SH3PXD2B: variants seen among roughly 807,000 people sequenced by gnomAD.
SH3PXD2B encodes SH3 and PX domain-containing protein 2B.
SH3PXD2B carries 37 observed loss-of-function variants against 73.1 expected under a neutral mutation model. The observed-to-expected ratio is 0.51, with a 90% CI of 0.39 to 0.67. The LOEUF is 0.67. SH3PXD2B is among the 30% of genes least tolerant of loss of function. The pLI, the probability that SH3PXD2B is intolerant of heterozygous loss-of-function variation, is 0.00. For missense variants in SH3PXD2B, 1,053 were observed against 1,197.8 expected, an observed-to-expected ratio of 0.88 and a Z score of 1.78; for synonymous variants, 457 against 480.5, an observed-to-expected ratio of 0.95 and a Z score of 0.64.
chr5:172,394,780 T>TG, intron 3 of SH3PXD2B, 141 bp from the exon 4 acceptor site: 2 of 784,536 alleles, frequency 2.5e-6, no homozygotes, highest in Non-Finnish European at 4.3e-6. Context: ...GTACCCCCAC[T>TG]GGACTTCCGT....
chr5:172,373,217 T>C (rs1757745048), intron 6 of SH3PXD2B, among the ~76,000 whole-genome samples: 1 of 152,198 alleles, frequency 6.6e-6, no homozygotes, highest in Admixed American at 6.5e-5. Flanking sequence ...ATGGCCCAAA[T>C]CTACCGCACA....
intron 4 of SH3PXD2B, among the ~76,000 whole-genome samples, chr5:172,391,451 C>T (rs1310081301): frequency 6.6e-6 from 1 of 152,164 alleles, no homozygotes; most frequent in Non-Finnish European, 1.5e-5. Flanking sequence ...TTCTCCCAGT[C>T]CACGGCTTGC....
chr5:172,337,218 T>G lies in SH3PXD2B; in HGVS notation c.*1151A>C. The G allele has an allele frequency of 1.0e-6, 1 of 985,536 alleles. No homozygotes were observed. The highest frequency in any genetic ancestry group is 1.2e-6 in the Non-Finnish European group (1 of 830,044). 61.0% of individuals were successfully genotyped at this position (985,536 alleles called of 1,614,324 possible). On this transcript the variant is annotated 3_prime_UTR_variant, in exon 13 of 13. Coordinates refer to ENST00000311601, the MANE Select transcript of SH3PXD2B (RefSeq NM_001017995.3). ...CTGTGGGCTGGAGGGATGGTGGGTGTGGGAGCAGCCACGAATGCCCCCTCA... is the reference window on the plus strand; with the variant it reads ...CTGTGGGCTGGAGGGATGGTGGGTGGGGGAGCAGCCACGAATGCCCCCTCA...
chr5:172,368,676 A>AATATATATATTATATATATATAAAAT (rs1371215353), intron 6 of SH3PXD2B, among the ~76,000 whole-genome samples: 1 of 31,164 alleles, frequency 3.2e-5, no homozygotes, highest in African/African-American at 2.3e-4. Flanking sequence ...ATATATATAA[A>AATATATATATTATATATATATAAAAT]ATATATATGT....
rs750228402 is a variant in SH3PXD2B, at chr5:172,353,817, C to A, written c.785+71G>T. The A allele has an allele frequency of 5.7e-4, 674 of 1,190,760 alleles. No individual in the cohort carries two copies. The highest frequency in any genetic ancestry group is 8.0e-4 in the Non-Finnish European group (639 of 795,214). 73.8% of individuals were successfully genotyped at this position (1,190,760 alleles called of 1,614,324 possible). A position where few individuals can be genotyped will look rare whatever the true frequency, so the allele number is the denominator to read the frequency against. On this transcript the variant is annotated intron_variant, in intron 9 of 12. Transcript: ENST00000311601. This position sits in a 1 kb window ranked among gnomAD's most constrained non-coding sequence, Gnocchi z 4.3. ...TTACCGACCTCTGTGAGGCCAGAGT[C>A]CCTGTGACCCCAAACCCACCCAGCG...
At chr5:172,401,777 G>T (rs2113418066) in intron 3 of SH3PXD2B, among the ~76,000 whole-genome samples, 1 of 152,322 alleles carries the variant, frequency 6.6e-6, no homozygotes, top group African/African-American at 2.4e-5. Flanking sequence ...AAATGTCCAT[G>T]AAGATTTCAG....
intron 2 of SH3PXD2B, among the ~76,000 whole-genome samples, chr5:172,422,154 C>T (rs1481716682): frequency 6.6e-6 from 1 of 152,128 alleles, no homozygotes; most frequent in Non-Finnish European, 1.5e-5. Flanking sequence ...GTCACCGCAC[C>T]TGGCTAATGT....
intron 5 of SH3PXD2B, among the ~76,000 whole-genome samples, chr5:172,379,777 G>A (rs914474952): frequency 2.0e-5 from 3 of 152,174 alleles, no homozygotes; most frequent in African/African-American, 7.2e-5. Context: ...TAGAGCAAGT[G>A]GAAGCCCAGA....
rs1756650478 is a variant in SH3PXD2B, at chr5:172,334,883, A to G, written c.*3486T>C. 1.1e-5 allele frequency: 11 copies of G among 985,332 alleles called. No individual in the cohort carries two copies. Among genetic ancestry groups the G allele is most frequent in the Non-Finnish European group, 1.3e-5 (11 of 829,926 alleles). The allele number at this position is 985,332 out of a possible 1,614,324, so 61.0% of individuals were successfully genotyped here. On this transcript the variant is annotated 3_prime_UTR_variant, in exon 13 of 13. Transcript: ENST00000311601. The stretch of plus-strand genomic sequence containing the variant: ...AATGAAATCCTCAGTGGGCGCAAAC[A>G]TTTTAGGGCCAAGAACATTGACTTG...
chr5:172,331,067 C>G (rs992310199), downstream of SH3PXD2B, among the ~76,000 whole-genome samples: 1 of 152,130 alleles, frequency 6.6e-6, no homozygotes. Flanking sequence ...TGGTGGCCCA[C>G]GCCTGTAATC....
chr5:172,338,447 C>T lies in SH3PXD2B; in HGVS notation c.2658G>A (p.Trp886Ter), dbSNP rs746524187. The change falls in exon 13 of 13, where the codon TGG (tryptophan) becomes TGA (stop). Residue 886 changes from tryptophan (W) to a stop codon, truncating the protein, a stop_gained. Coordinates refer to ENST00000311601, the MANE Select transcript of SH3PXD2B (RefSeq NM_001017995.3). LOFTEE classifies it high-confidence loss of function. This position sits in a 1 kb window ranked among gnomAD's most constrained non-coding sequence, Gnocchi z 5.1. Reference protein sequence around the residue: ...FEVREKNSSGWWFCQVLSGAP... With the variant: ...FEVREKNSSG ...CTCCGCTCAGGACCTGGCAGAACCA[C>T]CAGCCACTGCTGTTCTTCTCCCGGA... 1 of 1,614,230 alleles carries T rather than the reference C, an allele frequency of 6.2e-7. No individual in the cohort carries two copies. The highest frequency in any genetic ancestry group is 8.5e-7 in the Non-Finnish European group (1 of 1,180,046).
chr5:172,374,396 T>C (rs943821086), intron 5 of SH3PXD2B, among the ~76,000 whole-genome samples: 1 of 152,234 alleles, frequency 6.6e-6, no homozygotes, highest in African/African-American at 2.4e-5. Flanking sequence ...AATGCAACTG[T>C]ATCGGCCAGG....
At chr5:172,437,210 T>G (rs1759412422) in intron 1 of SH3PXD2B, among the ~76,000 whole-genome samples, 1 of 152,112 alleles carries the variant, frequency 6.6e-6, no homozygotes, top group Non-Finnish European at 1.5e-5. Context: ...CGGATGGAGC[T>G]CCACGGGCTT....
intron 1 of SH3PXD2B, among the ~76,000 whole-genome samples, chr5:172,434,782 G>GTTTTTTTTTGTTTTT (rs1554087272): frequency 1.4e-4 from 9 of 66,348 alleles, no homozygotes; most frequent in African/African-American, 4.2e-4. Flanking sequence ...ATGGCCAATG[G>GTTTTTTTTTGTTTTT]TTTTTTTTTT....
chr5:172,424,564 G>A (rs115923781), intron 1 of SH3PXD2B, among the ~76,000 whole-genome samples: 1,663 of 152,332 alleles, frequency 0.011, 29 homozygotes, highest in African/African-American at 0.038. Flanking sequence ...TATAGGAGAA[G>A]GTTCTTCAGG....
intron 10 of SH3PXD2B, among the ~76,000 whole-genome samples, chr5:172,348,683 C>G (rs562413133): frequency 4.6e-5 from 2 of 43,126 alleles, no homozygotes; most frequent in African/African-American, 6.1e-5. Flanking sequence ...ATCTATCTAT[C>G]TATCTATCTA....
intron 12 of SH3PXD2B, among the ~76,000 whole-genome samples, chr5:172,325,620 G>C (rs960035607): frequency 6.6e-6 from 1 of 152,172 alleles, no homozygotes; most frequent in Admixed American, 6.5e-5. Flanking sequence ...AGGGCAAATG[G>C]GGGATGATCG....
At chr5:172,376,027 C>CTTT (rs1239733447) in intron 5 of SH3PXD2B, among the ~76,000 whole-genome samples, 1 of 145,550 alleles carries the variant, frequency 6.9e-6, no homozygotes, top group Non-Finnish European at 1.5e-5. Context: ...TGTCATGTAT[C>CTTT]TTCTTTTTTT....
At chr5:172,341,195 C>A (rs555094439) in intron 12 of SH3PXD2B, among the ~76,000 whole-genome samples, 1 of 152,276 alleles carries the variant, frequency 6.6e-6, no homozygotes, top group South Asian at 2.1e-4. Context: ...GAAGCCCTAA[C>A]CCCCAATACC....
Sources: allele counts gnomAD v4.1 joint callset (sites outside exome capture counted in the v4.1 genomes callset), GRCh38; gene constraint gnomAD v4.1.1; non-coding constraint Gnocchi (gnomAD v3.1); transcripts MANE v1.5; gene names NCBI Gene and HGNC (gene_info 2026-07-23, HGNC 2026-07-21).